SLC7A8: variants seen among roughly 807,000 people sequenced by gnomAD.
The protein encoded by SLC7A8 is solute carrier family 7 member 8, also known as large neutral amino acids transporter small subunit 2.
Under a neutral mutation model 51.2 loss-of-function variants are expected in SLC7A8, and 30 were observed. That is an observed-to-expected ratio of 0.59 (90% CI 0.44 to 0.80). SLC7A8 has a LOEUF of 0.80. SLC7A8 is among the 30% of genes least tolerant of loss of function. The pLI, the probability that SLC7A8 is intolerant of heterozygous loss-of-function variation, is 0.00. For missense variants in SLC7A8, 612 were observed against 674.4 expected (o/e 0.91, Z 1.03); for synonymous variants, 257 against 275.8 (o/e 0.93, Z 0.67).
chr14:23,133,359 T>A (rs2048658139), intron 7 of SLC7A8, among the ~76,000 whole-genome samples: 1 of 145,738 alleles, frequency 6.9e-6, no homozygotes, highest in South Asian at 2.1e-4. Flanking sequence ...CAGGATCACA[T>A]GAGCCTGGGA....
chr14:23,128,505 C>T lies in SLC7A8; in HGVS notation c.1264-309G>A, dbSNP rs567774309. ...GGCCTCATCATGCATGCCATGTGCCCGTGGCAGCCAGAGAAGCCCACAGGG... is the reference window on the plus strand; with the variant it reads ...GGCCTCATCATGCATGCCATGTGCCTGTGGCAGCCAGAGAAGCCCACAGGG... On this transcript the variant is annotated intron_variant, in intron 9 of 10. Transcript: ENST00000316902. This position sits in a 1 kb window ranked among gnomAD's most constrained non-coding sequence, Gnocchi z 4.3. 1.4e-4 allele frequency: 100 copies of T among 702,868 alleles called. No individual in the cohort carries two copies. The highest frequency in any genetic ancestry group is 4.1e-4 in the African/African-American group (23 of 55,978). The allele number at this position is 702,868 out of a possible 1,614,324, so 43.5% of individuals were successfully genotyped here. A position where few individuals can be genotyped will look rare whatever the true frequency, so the allele number is the denominator to read the frequency against.
At chr14:23,154,203 G>A (rs964358810) in intron 3 of SLC7A8, 2 of 984,040 alleles carry the variant, frequency 2.0e-6, no homozygotes, top group Non-Finnish European at 2.5e-6. Context: ...CCTCTGAAAC[G>A]CCATAAATTT....
Position 23,127,290 on chromosome 14 carries a change from C to A in SLC7A8, c.1495G>T (p.Glu499Ter). The change falls in exon 11 of 11, where the codon GAG becomes TAG. Residue 499 changes from glutamate to a stop codon, truncating the protein, a stop_gained. Coordinates refer to ENST00000316902, the MANE Select transcript of SLC7A8 (RefSeq NM_012244.4). LOFTEE classifies it low-confidence loss of function (END_TRUNC). ...GCCTCCTCTGTCCCTGAGCCCCGCT[C>A]CACCTCGGGGTACACGACCACACAC... ...KMCVVVYPEV[E>*]RGSGTEEANE... 6.2e-7 allele frequency: 1 copy of A among 1,614,104 alleles called. No individual in the cohort carries two copies.
At chr14:23,172,591 C>T (rs2048980362) in intron 1 of SLC7A8, among the ~76,000 whole-genome samples, 1 of 152,176 alleles carries the variant, frequency 6.6e-6, no homozygotes, top group African/African-American at 2.4e-5. Context: ...ATTCCCGGCC[C>T]AACTGGGGAG....
At chr14:23,151,749 T>TAA (rs60024939) in intron 3 of SLC7A8, among the ~76,000 whole-genome samples, 14 of 100,856 alleles carry the variant, frequency 1.4e-4, no homozygotes, top group African/African-American at 4.2e-4. Flanking sequence ...CCCTGTCTCT[T>TAA]AAAAAAAAAA....
At chr14:23,155,439 G>A in intron 3 of SLC7A8, 2 of 1,434,080 alleles carry the variant, frequency 1.4e-6, no homozygotes. Context: ...CTGGAGCTGG[G>A]GTTTCTGCTG....
At chr14:23,171,136 G>A (rs186996093) in intron 1 of SLC7A8, among the ~76,000 whole-genome samples, 3 of 152,260 alleles carry the variant, frequency 2.0e-5, no homozygotes, top group Admixed American at 1.3e-4. Context: ...AGAATGAGAC[G>A]CACATCCGTC....
At position 23,139,512 on chromosome 14, in the gene SLC7A8, A is replaced by G; in HGVS notation, c.824T>C (p.Leu275Pro). ...GGCAAAGACATACACAAATGTGACC[A>G]GTGGGATGGAGATGAAGATGGCTCT... ...LPRAIFISIP[L>P]VTFVYVFANV... is the part of the protein sequence containing the mutation. Residue 275 changes from leucine (L) to proline (P), a missense_variant, in exon 6 of 11, where the codon CTG becomes CCG. By Grantham distance (98) the Leu-to-Pro change is moderately conservative (BLOSUM62 -3). Coordinates refer to ENST00000316902, the MANE Select transcript of SLC7A8 (RefSeq NM_012244.4). The G allele has an allele frequency of 6.2e-7, 1 of 1,614,130 alleles. No homozygotes were observed. Among genetic ancestry groups the G allele is most frequent in the Non-Finnish European group, 8.5e-7 (1 of 1,179,988 alleles).
At chr14:23,141,201 C>A (rs1372006386) in intron 4 of SLC7A8, among the ~76,000 whole-genome samples, 1 of 152,144 alleles carries the variant, frequency 6.6e-6, no homozygotes, top group African/African-American at 2.4e-5. Flanking sequence ...GGGAGGATCA[C>A]TTGAGCCCAG....
chr14:23,155,967 TAC>T (rs929092172), intron 3 of SLC7A8, among the ~76,000 whole-genome samples: 57 of 152,222 alleles, frequency 3.7e-4, no homozygotes, highest in African/African-American at 1.3e-3. Flanking sequence ...GGGTAGCTTG[TAC>T]TTAAACTTGC....
At position 23,166,486 on chromosome 14, in the gene SLC7A8, GCA is replaced by G; in HGVS notation, c.204_205del (p.Ala69TrpfsTer26). The G allele has an allele frequency of 6.2e-7, 1 of 1,614,168 alleles. No homozygotes were observed. The highest frequency in any genetic ancestry group is 8.5e-7 in the Non-Finnish European group (1 of 1,180,024). ...GATGAGAGCAAGGCCCACAGAACCA[GCA>G]TTCTCCAGCACTCCCTTTGGCGAGA... On this transcript the variant is annotated frameshift_variant, in exon 2 of 11. Coordinates refer to ENST00000316902, the MANE Select transcript of SLC7A8 (RefSeq NM_012244.4). LOFTEE classifies it high-confidence loss of function.
rs1877264127 is a variant in SLC7A8 at position 23,183,155 on chromosome 14, A to AAAG, written c.-242_-241insCTT. 2.1e-6 allele frequency: 1 copy of AAAG among 473,712 alleles called. No homozygotes were observed. The highest frequency in any genetic ancestry group is 2.0e-5 in the African/African-American group (1 of 49,214). The allele number at this position is 473,712 out of a possible 1,614,324, so 29.3% of individuals were successfully genotyped here. ...GTGTTGCTAAAAAAAAAAAAAAAAA[A>AAAG]AAAGGCCAGGGGAGACATACATTTA... On this transcript the variant is annotated 5_prime_UTR_variant, in exon 1 of 11. Coordinates refer to ENST00000316902, the MANE Select transcript of SLC7A8 (RefSeq NM_012244.4).
intron 7 of SLC7A8, among the ~76,000 whole-genome samples, chr14:23,135,595 G>A (rs867781618): frequency 1.2e-4 from 18 of 151,768 alleles, no homozygotes; most frequent in Non-Finnish European, 2.2e-4. Flanking sequence ...CCAGCTACTC[G>A]GGAAGCTGAG....
chr14:23,161,071 AGTTGCATAAGTGT>A (rs1445341188), intron 3 of SLC7A8, among the ~76,000 whole-genome samples: 2 of 151,906 alleles, frequency 1.3e-5, no homozygotes. Flanking sequence ...TGGCAGCTGC[AGTTGCATAAGTGT>A]GATCCAAGTC....
chr14:23,166,731 C>T (rs988088897), intron 1 of SLC7A8, among the ~76,000 whole-genome samples, 191 bp from the exon 2 acceptor site: 4 of 152,194 alleles, frequency 2.6e-5, no homozygotes, highest in Non-Finnish European at 4.4e-5. Flanking sequence ...AGAACTGACA[C>T]TTATTGACCA....
At position 23,143,230 on chromosome 14, in the gene SLC7A8, C is replaced by T. The variant is rs767052584; in HGVS notation, c.509-26G>A. 6.2e-6 allele frequency: 10 copies of T among 1,612,800 alleles called. No individual in the cohort carries two copies. The East Asian group carries it at 2.0e-4, about 32-fold the overall frequency. Reference sequence around the variant, plus strand: ...CTGAAATGAAAGACCCCCAAACAGACCTTCAGGGGCTGTATCTGGCTGCAT... The same window carrying T: ...CTGAAATGAAAGACCCCCAAACAGATCTTCAGGGGCTGTATCTGGCTGCAT... On this transcript the variant is annotated intron_variant, in intron 3 of 10. Transcript: ENST00000316902.
At chr14:23,131,999 ATT>A (rs1201371313) in intron 7 of SLC7A8, among the ~76,000 whole-genome samples, 423 of 98,138 alleles carry the variant, frequency 4.3e-3, no homozygotes, top group Middle Eastern at 6.4e-3. Context: ...AAAACACTCT[ATT>A]TTTTTTTTTT....
chr14:23,137,791 AC>A, intron 7 of SLC7A8, 129 bp downstream of exon 7: 1 of 1,142,112 alleles, frequency 8.8e-7, no homozygotes, highest in Non-Finnish European at 1.2e-6. Flanking sequence ...GTGAGCAGTC[AC>A]CCCTCTGCAA....
At chr14:23,175,758 C>T (rs755636453) in intron 1 of SLC7A8, among the ~76,000 whole-genome samples, 3 of 152,162 alleles carry the variant, frequency 2.0e-5, no homozygotes, top group African/African-American at 7.2e-5. Flanking sequence ...TCCCTGGTCC[C>T]GGCCACCTTG....
Sources: gnomAD v4.1 joint callset for allele counts (sites outside exome capture counted in the v4.1 genomes callset) on GRCh38, gnomAD v4.1.1 for gene constraint, Gnocchi (gnomAD v3.1) non-coding constraint, MANE v1.5 for transcripts, NCBI Gene and HGNC (gene_info 2026-07-23, HGNC 2026-07-21) for gene names.